Variants in HERC5 observed in about 807,000 individuals in gnomAD.
The protein encoded by HERC5 is E3 ISG15--protein ligase HERC5.
A neutral mutation model predicts 119.6 loss-of-function variants in HERC5; 99 were observed. The ratio of observed to expected loss-of-function variants is 0.83; its 90% CI spans 0.70 to 0.98. The LOEUF is 0.98. Ranked by LOEUF, HERC5 falls within the 50% of genes least tolerant of loss-of-function variation. The pLI, the probability that HERC5 is intolerant of heterozygous loss-of-function variation, is 0.00. For missense variants in HERC5, 1,267 were observed against 1,241.3 expected (o/e 1.02, Z -0.31); for synonymous variants, 478 against 445.9 (o/e 1.07, Z -0.91).
rs1740546681 is a variant in HERC5 at position 88,463,950 on chromosome 4, T to C, written c.876T>C (p.Leu292=). ...NELRPCLVAE[L]VGYRVTQIAC... is the part of the protein sequence containing the mutation. ...TAAGACCCTGTTTGGTGGCTGAGCTTGTTGGGTATAGAGTGACTCAGATAG... is the reference window on the plus strand; with the variant it reads ...TAAGACCCTGTTTGGTGGCTGAGCTCGTTGGGTATAGAGTGACTCAGATAG... The change falls in exon 6 of 23, where the codon CTT becomes CTC. Residue 292 remains leucine, a synonymous_variant. Transcript: ENST00000264350. The C allele has an allele frequency of 6.2e-7, 1 of 1,613,816 alleles. No homozygotes were observed. The highest frequency in any genetic ancestry group is 8.5e-7 in the Non-Finnish European group (1 of 1,179,970).
intron 4 of HERC5, 67 bp downstream of exon 4, chr4:88,462,423 C>T (rs940918245): frequency 4.5e-6 from 6 of 1,326,134 alleles, no homozygotes; most frequent in Non-Finnish European, 5.4e-6. Flanking sequence ...TAATGGACCT[C>T]CCTGTCAAAA....
At chr4:88,493,545 T>C (rs2149105408) in intron 17 of HERC5, among the ~76,000 whole-genome samples, 1 of 152,262 alleles carries the variant, frequency 6.6e-6, no homozygotes, top group African/African-American at 2.4e-5. Flanking sequence ...TTATTGCTGG[T>C]ATGCTTTTAG....
intron 18 of HERC5, among the ~76,000 whole-genome samples, chr4:88,497,643 T>C (rs1334066929): frequency 6.6e-6 from 1 of 152,172 alleles, no homozygotes; most frequent in Non-Finnish European, 1.5e-5. Context: ...TAAAGTGGAA[T>C]TTATCATTAG....
intron 2 of HERC5, 40 bp downstream of exon 2, chr4:88,459,510 CAA>C (rs1560595755): frequency 8.3e-7 from 1 of 1,206,064 alleles, no homozygotes; most frequent in Non-Finnish European, 1.2e-6. Flanking sequence ...TAATTTTAAT[CAA>C]AAGACAATAA....
chr4:88,464,728 A>G (rs75842378), intron 6 of HERC5, among the ~76,000 whole-genome samples: 1 of 151,954 alleles, frequency 6.6e-6, no homozygotes, highest in East Asian at 1.9e-4. Flanking sequence ...AGCTAGGATT[A>G]CAGGCGTGCA....
intron 13 of HERC5, among the ~76,000 whole-genome samples, chr4:88,482,818 A>T (rs1290314425): frequency 6.6e-6 from 1 of 151,942 alleles, no homozygotes; most frequent in Non-Finnish European, 1.5e-5. Flanking sequence ...TTTTGTAGAG[A>T]CGAGGTTTCA....
intron 12 of HERC5, among the ~76,000 whole-genome samples, chr4:88,478,838 C>T (rs1043372528): frequency 4.6e-5 from 7 of 152,152 alleles, no homozygotes; most frequent in African/African-American, 1.7e-4. Context: ...CCTGGAACTG[C>T]TGAGCTCAGA....
intron 10 of HERC5, 24 bp from the exon 11 acceptor site, chr4:88,472,385 A>T: frequency 7.4e-7 from 1 of 1,357,886 alleles, no homozygotes; most frequent in Non-Finnish European, 1.0e-6. Flanking sequence ...CTAACAAAAT[A>T]CTTAATTTAT....
intron 10 of HERC5, among the ~76,000 whole-genome samples, chr4:88,471,344 T>C (rs909439435): frequency 1.4e-5 from 2 of 145,396 alleles, no homozygotes; most frequent in African/African-American, 2.5e-5. Flanking sequence ...TTTTTGGTAA[T>C]TTTTTTTTTT....
intron 1 of HERC5, chr4:88,457,940 G>A: frequency 2.0e-6 from 2 of 1,005,186 alleles, no homozygotes; most frequent in Non-Finnish European, 2.4e-6. Context: ...TCAGTGATGG[G>A]ATTTTACCTT....
intron 14 of HERC5, 118 bp downstream of exon 14, chr4:88,486,346 C>G: frequency 1.7e-6 from 1 of 577,284 alleles, no homozygotes; most frequent in Admixed American, 3.1e-5. Context: ...CATTAAGACT[C>G]CTCAAAATCT....
At chr4:88,459,938 G>A (rs1740358411) in intron 2 of HERC5, among the ~76,000 whole-genome samples, 157 bp from the exon 3 acceptor site, 1 of 151,938 alleles carries the variant, frequency 6.6e-6, no homozygotes, top group African/African-American at 2.4e-5. Flanking sequence ...TTAAAACATA[G>A]TATTTAAAAA....
intron 12 of HERC5, 46 bp downstream of exon 12, chr4:88,476,076 A>C (rs768986757): frequency 6.7e-7 from 1 of 1,482,964 alleles, no homozygotes; most frequent in Admixed American, 2.0e-5. Flanking sequence ...TCTCAGTGGA[A>C]AGACATGTCT....
At chr4:88,468,205 T>C (rs892328450) in intron 7 of HERC5, 141 bp from the exon 8 acceptor site, 10 of 602,540 alleles carry the variant, frequency 1.7e-5, no homozygotes, top group African/African-American at 9.4e-5. Context: ...AGCTGCTTAA[T>C]TGGCAGAAAA....
chr4:88,461,054 C>T (rs1244507648), intron 3 of HERC5, among the ~76,000 whole-genome samples: 2 of 151,992 alleles, frequency 1.3e-5, no homozygotes, highest in Non-Finnish European at 2.9e-5. Context: ...GAGGGGAATT[C>T]GAAGTCAAGG....
intron 18 of HERC5, among the ~76,000 whole-genome samples, chr4:88,497,787 G>T (rs527441463): frequency 1.3e-5 from 2 of 152,134 alleles, no homozygotes; most frequent in South Asian, 4.2e-4. Context: ...AGTGTGGATG[G>T]GTGGAAGCCT....
Position 88,457,330 on chromosome 4 carries a change from G to T in HERC5, c.61G>T (p.Ala21Ser), listed in dbSNP as rs1740184110. 2 of 1,401,498 alleles carry T rather than the reference G, an allele frequency of 1.4e-6. No homozygotes were observed. Among genetic ancestry groups the T allele is most frequent in the Non-Finnish European group, 1.9e-6 (2 of 1,080,676 alleles). 86.8% of individuals were successfully genotyped at this position (1,401,498 alleles called of 1,614,324 possible). ...RNGRSTAGKAAATQPAKSPGA... is the reference protein window; with the variant it reads ...RNGRSTAGKASATQPAKSPGA... The stretch of plus-strand genomic sequence containing the variant: ...CGGGCGCTCGACCGCGGGCAAGGCC[G>T]CCGCGACCCAGCCCGCGAAGTCTCC... The change falls in exon 1 of 23, where the codon GCC becomes TCC. Residue 21 changes from alanine to serine, a missense_variant. Physicochemically the swap from Ala to Ser is moderately conservative, Grantham distance 99 (BLOSUM62 1). This residue lies in a region of HERC5 where 777 missense variants were observed against 758.0 expected (regional missense o/e 1.03). Transcript: ENST00000264350.
intron 12 of HERC5, among the ~76,000 whole-genome samples, chr4:88,477,943 CACGA>C (rs146520117): frequency 0.014 from 2,149 of 152,276 alleles, 34 homozygotes; most frequent in Non-Finnish European, 0.02. Context: ...GTTGTGCATT[CACGA>C]ACGATTTTTA....
At chr4:88,495,360 C>G (rs1228470999) in intron 18 of HERC5, among the ~76,000 whole-genome samples, 2 of 152,044 alleles carry the variant, frequency 1.3e-5, no homozygotes, top group Non-Finnish European at 2.9e-5. Context: ...ACCTGCCTGA[C>G]CAACACGGCG....
Sources: gnomAD v4.1 joint callset for allele counts (sites outside exome capture counted in the v4.1 genomes callset) on GRCh38, gnomAD v4.1.1 for gene constraint, gnomAD v4.1.1 regional missense constraint, MANE v1.5 for transcripts, NCBI Gene and HGNC (gene_info 2026-07-23, HGNC 2026-07-21) for gene names.